Variants in EPM2A observed in about 807,000 individuals in gnomAD.
EPM2A encodes laforin.
Under a neutral mutation model 26.5 loss-of-function variants are expected in EPM2A, and 21 were observed. The ratio of observed to expected loss-of-function variants is 0.79; its 90% CI spans 0.56 to 1.14. The LOEUF is 1.14. Among genes scored for constraint, EPM2A ranks in the 50% most tolerant of loss-of-function variants. The probability of loss-of-function intolerance (pLI) is 0.00; values close to 1 mark genes in which losing one functional copy is unlikely to be tolerated. For synonymous variants in EPM2A, 217 were observed against 177.6 expected (o/e 1.22, Z -1.76); for missense variants, 458 against 440.8 (o/e 1.04, Z -0.35).
intron 2 of EPM2A, among the ~76,000 whole-genome samples, chr6:145,662,541 G>A (rs1778797570): frequency 6.6e-6 from 1 of 152,140 alleles, no homozygotes; most frequent in African/African-American, 2.4e-5. Flanking sequence ...TAAAACAATG[G>A]GATTTTGTGG....
chr6:145,502,963 T>C (rs4896815), intron 2 of EPM2A, among the ~76,000 whole-genome samples: 2,515 of 152,304 alleles, frequency 0.017, 30 homozygotes, highest in Admixed American at 0.039. Context: ...AGAGCACAGA[T>C]TCCAAATGAA....
At chr6:145,435,801 T>C (rs1778982310) in intron 4 of EPM2A, among the ~76,000 whole-genome samples, 2 of 152,164 alleles carry the variant, frequency 1.3e-5, no homozygotes, top group Admixed American at 6.5e-5. Context: ...TGTTAATTCA[T>C]AAACTTTATT....
intron 2 of EPM2A, among the ~76,000 whole-genome samples, chr6:145,541,344 G>GTATATACATATATA (rs1780508895): frequency 8.8e-5 from 12 of 136,852 alleles, no homozygotes; most frequent in Admixed American, 7.9e-4. Flanking sequence ...ATATGTGTGT[G>GTATATACATATATA]TGTATATATA....
At chr6:145,632,953 C>T (rs532055801) in intron 3 of EPM2A, among the ~76,000 whole-genome samples, 1 of 152,168 alleles carries the variant, frequency 6.6e-6, no homozygotes. Flanking sequence ...GCTCAAATGC[C>T]ACTGCACTGT....
intron 1 of EPM2A, among the ~76,000 whole-genome samples, chr6:145,708,367 A>T (rs1313833323): frequency 2.0e-5 from 3 of 152,140 alleles, no homozygotes; most frequent in Non-Finnish European, 2.9e-5. Flanking sequence ...AGCCCCTCCC[A>T]TCACAGGCCT....
intron 1 of EPM2A, among the ~76,000 whole-genome samples, chr6:145,688,594 T>C (rs879624180): frequency 6.6e-6 from 1 of 152,002 alleles, no homozygotes; most frequent in Non-Finnish European, 1.5e-5. Flanking sequence ...AGACCAGAAA[T>C]CTGAACTAAA....
At chr6:145,530,833 G>A (rs1182553046) in intron 2 of EPM2A, among the ~76,000 whole-genome samples, 1 of 152,146 alleles carries the variant, frequency 6.6e-6, no homozygotes, top group Non-Finnish European at 1.5e-5. Flanking sequence ...AGAAGGGGTT[G>A]GCAAGGAAGG....
chr6:145,685,704 G>T (rs1431307242), intron 2 of EPM2A, among the ~76,000 whole-genome samples: 1 of 152,116 alleles, frequency 6.6e-6, no homozygotes, highest in East Asian at 1.9e-4. Flanking sequence ...ATTCAATCTA[G>T]TTCTGTGCCT....
chr6:145,446,154 A>T (rs973021878), intron 4 of EPM2A, among the ~76,000 whole-genome samples: 3 of 152,182 alleles, frequency 2.0e-5, no homozygotes, highest in Admixed American at 2.0e-4. Context: ...TGGGTGATGC[A>T]GCCCTAGCCA....
chr6:145,689,524 T>C (rs1485777982), intron 1 of EPM2A, among the ~76,000 whole-genome samples: 1 of 152,182 alleles, frequency 6.6e-6, no homozygotes, highest in Non-Finnish European at 1.5e-5. Context: ...CTTTTTGCCT[T>C]ATATATCCCA....
chr6:145,403,095 A>C (rs896272870), intron 4 of EPM2A, among the ~76,000 whole-genome samples: 4 of 152,120 alleles, frequency 2.6e-5, no homozygotes, highest in Non-Finnish European at 5.9e-5. Flanking sequence ...AAATATTTTA[A>C]AACTTTGTGG....
chr6:145,587,964 G>A (rs1487406964), intron 2 of EPM2A, among the ~76,000 whole-genome samples: 1 of 152,156 alleles, frequency 6.6e-6, no homozygotes, highest in Non-Finnish European at 1.5e-5. Flanking sequence ...TATTATGCAT[G>A]TACGAATCAG....
intron 4 of EPM2A, among the ~76,000 whole-genome samples, chr6:145,390,461 C>T (rs1462541590): frequency 6.6e-6 from 1 of 152,048 alleles, no homozygotes; most frequent in African/African-American, 2.4e-5. Context: ...TTATTTTCTG[C>T]CAAACTTGTC....
At chr6:145,474,929 A>C (rs1256947390) in intron 4 of EPM2A, among the ~76,000 whole-genome samples, 1 of 152,230 alleles carries the variant, frequency 6.6e-6, no homozygotes, top group African/African-American at 2.4e-5. Flanking sequence ...ATACCATCTC[A>C]CATCAGTTAG....
chr6:145,502,683 G>A (rs1189703512), intron 2 of EPM2A: 1 of 432,482 alleles, frequency 2.3e-6, no homozygotes. Context: ...AATAAACAGT[G>A]ACTATTTCCT....
At chr6:145,610,554 G>T (rs1775371670) in intron 2 of EPM2A, among the ~76,000 whole-genome samples, 1 of 152,266 alleles carries the variant, frequency 6.6e-6, no homozygotes, top group East Asian at 1.9e-4. Flanking sequence ...ACTTAACAAA[G>T]TCGTTGTGAG....
intron 2 of EPM2A, among the ~76,000 whole-genome samples, chr6:145,547,576 A>G (rs1439711749): frequency 6.6e-6 from 1 of 152,182 alleles, no homozygotes; most frequent in African/African-American, 2.4e-5. Context: ...AATGAACAGG[A>G]TCTGAAGCTC....
At chr6:145,412,754 C>G (rs1778660749) in intron 4 of EPM2A, among the ~76,000 whole-genome samples, 1 of 152,164 alleles carries the variant, frequency 6.6e-6, no homozygotes, top group Non-Finnish European at 1.5e-5. Flanking sequence ...AGTATAACTT[C>G]TGTCAGAATT....
At chr6:145,609,231 A>C (rs73568353) in intron 2 of EPM2A, among the ~76,000 whole-genome samples, 192 of 152,330 alleles carry the variant, frequency 1.3e-3, no homozygotes, top group African/African-American at 4.3e-3. Flanking sequence ...GCAGAACTTG[A>C]CCAGTGAATA....
Sources: gnomAD v4.1 joint callset for allele counts (sites outside exome capture counted in the v4.1 genomes callset) on GRCh38, gnomAD v4.1.1 for gene constraint, MANE v1.5 for transcripts, NCBI Gene and HGNC (gene_info 2026-07-23, HGNC 2026-07-21) for gene names.